MCC: variants seen among roughly 807,000 people sequenced by gnomAD.
The protein encoded by MCC is colorectal mutant cancer protein.
A neutral mutation model predicts 116.2 loss-of-function variants in MCC; 90 were observed. The ratio of observed to expected loss-of-function variants is 0.77; its 90% CI spans 0.65 to 0.92. The LOEUF is 0.92. MCC is among the 40% of genes least tolerant of loss of function. MCC has a pLI of 0.00. For missense variants in MCC, 1,516 were observed against 1,312.2 expected (o/e 1.16, Z -2.40); for synonymous variants, 578 against 510.5 (o/e 1.13, Z -1.78).
At chr5:113,224,175 A>G (rs1581273826) in intron 3 of MCC, among the ~76,000 whole-genome samples, 1 of 151,774 alleles carries the variant, frequency 6.6e-6, no homozygotes, top group Non-Finnish European at 1.5e-5. Context: ...GCTCACTGCA[A>G]CCTCCGCCTC....
intron 3 of MCC, among the ~76,000 whole-genome samples, chr5:113,270,195 T>C (rs748443315): frequency 1.3e-5 from 2 of 152,190 alleles, no homozygotes; most frequent in Non-Finnish European, 2.9e-5. Flanking sequence ...ATTCCTTCTT[T>C]AGCATTTTCA....
intron 14 of MCC, among the ~76,000 whole-genome samples, chr5:113,060,201 A>G (rs3891987): frequency 0.89 from 135,250 of 152,116 alleles, 60,405 homozygotes; most frequent in East Asian, 1. Flanking sequence ...TGTTGCCCAC[A>G]CTGGAGTGCA....
chr5:113,206,632 C>T (rs531232786), intron 3 of MCC, among the ~76,000 whole-genome samples: 2 of 152,230 alleles, frequency 1.3e-5, no homozygotes, highest in South Asian at 4.1e-4. Flanking sequence ...TCCCTTGAAC[C>T]TGGGAGGCAG....
intron 3 of MCC, among the ~76,000 whole-genome samples, chr5:113,325,700 C>T (rs928834113): frequency 3.3e-5 from 5 of 152,008 alleles, no homozygotes; most frequent in African/African-American, 9.7e-5. Context: ...AGGTTTAATC[C>T]ATTTGAAAGC....
intron 1 of MCC, among the ~76,000 whole-genome samples, chr5:113,445,913 T>C (rs528463278): frequency 3.0e-4 from 46 of 152,090 alleles, no homozygotes; most frequent in African/African-American, 9.6e-4. Flanking sequence ...CAAAGACCAA[T>C]AGAACAAAAT....
chr5:113,023,608 C>G lies in MCC; in HGVS notation c.*3694G>C, dbSNP rs1750313272. On this transcript the variant is annotated 3_prime_UTR_variant, in exon 19 of 19. Coordinates refer to ENST00000408903, the MANE Select transcript of MCC (RefSeq NM_001085377.2). ...GCTCTCAAAATACTCTAACTAGTAG[C>G]TCTGTTTGCTGAATCTAGAAGTAGG... 6.6e-6 allele frequency: 1 copy of G among 152,172 alleles called. No homozygotes were observed. Among genetic ancestry groups the G allele is most frequent in the South Asian group, 2.1e-4 (1 of 4,828 alleles). The allele number at this position is 152,172 out of a possible 1,614,324, so 9.4% of individuals were successfully genotyped here. A position where few individuals can be genotyped will look rare whatever the true frequency, so the allele number is the denominator to read the frequency against.
intron 3 of MCC, among the ~76,000 whole-genome samples, chr5:113,221,029 C>T (rs554623403): frequency 1.3e-5 from 2 of 152,168 alleles, no homozygotes; most frequent in Non-Finnish European, 2.9e-5. Context: ...ATGGCAAAAC[C>T]ATGTCTCTAC....
intron 3 of MCC, among the ~76,000 whole-genome samples, chr5:113,296,148 C>G (rs1561513285): frequency 1.3e-5 from 2 of 152,104 alleles, no homozygotes; most frequent in Non-Finnish European, 1.5e-5. Context: ...CACTGCCAAA[C>G]TAGAGCACAT....
At chr5:113,052,185 C>T (rs560231277) in intron 15 of MCC, among the ~76,000 whole-genome samples, 12 of 152,162 alleles carry the variant, frequency 7.9e-5, no homozygotes, top group Non-Finnish European at 1.5e-4. Context: ...TATCACCCCA[C>T]GTTGGCCAAT....
At chr5:113,064,373 T>C (rs770737309) in intron 13 of MCC, among the ~76,000 whole-genome samples, 8 of 152,266 alleles carry the variant, frequency 5.3e-5, no homozygotes, top group African/African-American at 1.7e-4. Flanking sequence ...TTCTCTGCTC[T>C]TTCTCTGGGC....
intron 1 of MCC, among the ~76,000 whole-genome samples, chr5:113,453,215 T>C (rs1306538065): frequency 6.6e-6 from 1 of 152,136 alleles, no homozygotes; most frequent in African/African-American, 2.4e-5. Flanking sequence ...TGAGATTCTT[T>C]TAGGTCTGAA....
intron 5 of MCC, 149 bp from the exon 6 acceptor site, chr5:113,122,975 A>G: frequency 1.3e-6 from 1 of 782,014 alleles, no homozygotes; most frequent in Non-Finnish European, 2.0e-6. Flanking sequence ...CCCAGGCGAA[A>G]TAGATAGTCA....
At chr5:113,074,251 T>C (rs1240513502) in intron 11 of MCC, among the ~76,000 whole-genome samples, 2 of 152,204 alleles carry the variant, frequency 1.3e-5, no homozygotes, top group African/African-American at 4.8e-5. Flanking sequence ...CCTCCGCTGG[T>C]GATACCCACA....
intron 1 of MCC, among the ~76,000 whole-genome samples, chr5:113,473,001 G>T (rs980363859): frequency 6.6e-6 from 1 of 152,200 alleles, no homozygotes; most frequent in African/African-American, 2.4e-5. Flanking sequence ...CAAAGACATT[G>T]TTGCATTCAT....
At chr5:113,076,656 G>C (rs553416838) in intron 11 of MCC, among the ~76,000 whole-genome samples, 50 of 152,172 alleles carry the variant, frequency 3.3e-4, no homozygotes, top group Non-Finnish European at 6.5e-4. Flanking sequence ...AGCTCCTAAA[G>C]GAAGCATAAA....
chr5:113,174,543 G>C (rs1418513266), intron 3 of MCC, among the ~76,000 whole-genome samples: 1 of 151,556 alleles, frequency 6.6e-6, no homozygotes. Flanking sequence ...CTGTAAAAAA[G>C]AATGGTATAT....
intron 11 of MCC, among the ~76,000 whole-genome samples, chr5:113,076,208 G>A (rs920898565): frequency 2.0e-5 from 3 of 152,178 alleles, no homozygotes; most frequent in East Asian, 3.9e-4. Context: ...GTGATGGGGA[G>A]AATGGAACCA....
chr5:113,467,395 C>G (rs9686764), intron 1 of MCC, among the ~76,000 whole-genome samples: 109,356 of 151,450 alleles, frequency 0.72, 39,947 homozygotes, highest in East Asian at 0.88. Context: ...TTTCAACTTT[C>G]TACATATGGC....
chr5:113,343,880 A>C lies in MCC; in HGVS notation c.416-3150T>G, dbSNP rs138187672. Among the ~76,000 whole-genome samples, 435 of 152,330 alleles carry C rather than the reference A, an allele frequency of 2.9e-3. 2 individuals are homozygous for C. The highest frequency in any genetic ancestry group is 0.01 in the African/African-American group (421 of 41,578). Reference sequence around the variant, plus strand: ...TTCTGAGGTGGAGCAAGATGGCTGAATAGAAGCCTCCACCAATCATGCCCC... The same window carrying C: ...TTCTGAGGTGGAGCAAGATGGCTGACTAGAAGCCTCCACCAATCATGCCCC... On this transcript the variant is annotated intron_variant, in intron 2 of 18. Transcript: ENST00000408903.
Sources: gnomAD v4.1 joint callset for allele counts (sites outside exome capture counted in the v4.1 genomes callset) on GRCh38, gnomAD v4.1.1 for gene constraint, MANE v1.5 for transcripts, NCBI Gene and HGNC (gene_info 2026-07-23, HGNC 2026-07-21) for gene names.